Variants in MTAP observed in about 807,000 individuals in gnomAD.
MTAP encodes methylthioadenosine phosphorylase.
A neutral mutation model predicts 33.6 loss-of-function variants in MTAP; 33 were observed. The observed-to-expected ratio is 0.98, with a 90% confidence interval of 0.74 to 1.31. MTAP has a LOEUF of 1.31. Ranked by LOEUF, MTAP falls within the 40% of genes most tolerant of loss-of-function variation. The probability of loss-of-function intolerance (pLI) is 0.00; values close to 1 mark genes in which losing one functional copy is unlikely to be tolerated. For missense variants in MTAP, 367 were observed against 360.0 expected, an observed-to-expected ratio of 1.02 and a Z score of -0.16; for synonymous variants, 148 against 125.7, an observed-to-expected ratio of 1.18 and a Z score of -1.19.
downstream of MTAP, among the ~76,000 whole-genome samples, chr9:21,939,873 ACT>A (rs906515621): frequency 1.3e-5 from 2 of 151,956 alleles, no homozygotes; most frequent in Non-Finnish European, 2.9e-5. Flanking sequence ...ACAGAGTGAG[ACT>A]CTGTCTCAAA....
chr9:21,848,311 C>T (rs2118441358), intron 5 of MTAP, among the ~76,000 whole-genome samples: 1 of 152,202 alleles, frequency 6.6e-6, no homozygotes, highest in Admixed American at 6.5e-5. Flanking sequence ...AAAAGAACCG[C>T]TTGAGTTTTC....
intron 6 of MTAP, among the ~76,000 whole-genome samples, chr9:21,855,767 TAC>T (rs1825628738): frequency 6.6e-6 from 1 of 152,188 alleles, no homozygotes; most frequent in Non-Finnish European, 1.5e-5. Context: ...GAATTCCAGG[TAC>T]CCATCACTTA....
At chr9:21,885,700 T>C (rs1818097038) in intron 1 of MTAP, among the ~76,000 whole-genome samples, 2 of 152,200 alleles carry the variant, frequency 1.3e-5, no homozygotes, top group African/African-American at 4.8e-5. Context: ...ACTTCACTTA[T>C]AATAATGGTC....
At chr9:21,868,030 G>C (rs1825881456), downstream of MTAP, among the ~76,000 whole-genome samples, 1 of 152,144 alleles carries the variant, frequency 6.6e-6, no homozygotes, top group Non-Finnish European at 1.5e-5. Flanking sequence ...TAAGTTTGTG[G>C]TGATGTATAG....
intron 1 of MTAP, among the ~76,000 whole-genome samples, chr9:21,872,871 A>G (rs970248491): frequency 1.3e-5 from 2 of 151,934 alleles, no homozygotes; most frequent in African/African-American, 4.8e-5. Context: ...CAATGTGAGC[A>G]CTCCCTCGGG....
intron 1 of MTAP, among the ~76,000 whole-genome samples, chr9:21,873,794 C>G (rs1284443970): frequency 1.3e-5 from 2 of 151,838 alleles, no homozygotes; most frequent in East Asian, 3.9e-4. Flanking sequence ...TAAATGGTTC[C>G]TAAGGAAGTT....
intron 4 of MTAP, 145 bp downstream of exon 4, chr9:21,818,347 A>C: frequency 1.9e-6 from 1 of 529,430 alleles, no homozygotes; most frequent in Non-Finnish European, 2.9e-6. Flanking sequence ...TTTTTTTTGG[A>C]GACGGAGCCT....
intron 5 of MTAP, among the ~76,000 whole-genome samples, chr9:21,852,636 T>G (rs1208016778): frequency 1.3e-5 from 2 of 148,622 alleles, no homozygotes; most frequent in African/African-American, 2.5e-5. Context: ...TGCATCAGAA[T>G]CCCAGAAATC....
intron 1 of MTAP, among the ~76,000 whole-genome samples, chr9:21,880,859 A>G (rs761050530): frequency 2.6e-5 from 4 of 152,098 alleles, no homozygotes; most frequent in Non-Finnish European, 5.9e-5. Context: ...ACTCAACACA[A>G]TCCCTATAAA....
At chr9:21,917,760 G>T (rs113872145) in intron 1 of MTAP, among the ~76,000 whole-genome samples, 2,605 of 152,172 alleles carry the variant, frequency 0.017, 52 homozygotes, top group East Asian at 0.05. Flanking sequence ...CAAAGGAAAA[G>T]AAGTCATATA....
chr9:21,931,168 A>G (rs973836772), exon 2 of MTAP: 12 of 748,630 alleles, frequency 1.6e-5, no homozygotes, highest in African/African-American at 1.5e-4. Context: ...TGCTTCCAAC[A>G]ACCCATGCAG....
At chr9:21,925,548 A>G (rs1333772087) in intron 1 of MTAP, among the ~76,000 whole-genome samples, 1 of 152,234 alleles carries the variant, frequency 6.6e-6, no homozygotes, top group African/African-American at 2.4e-5. Context: ...TGCCCTCAGA[A>G]TACTCTCCCA....
intron 1 of MTAP, chr9:21,930,286 G>T: frequency 4.4e-6 from 1 of 229,710 alleles, no homozygotes; most frequent in Non-Finnish European, 8.6e-6. Flanking sequence ...GTATTTTTGG[G>T]GGCTGTCCTC....
chr9:21,869,472 C>G (rs892658651), downstream of MTAP, among the ~76,000 whole-genome samples: 1 of 152,126 alleles, frequency 6.6e-6, no homozygotes, highest in Non-Finnish European at 1.5e-5. Context: ...TCTTAGTCTC[C>G]TTTGCTGATT....
At chr9:21,897,676 G>A (rs530415330) in intron 1 of MTAP, among the ~76,000 whole-genome samples, 1 of 152,152 alleles carries the variant, frequency 6.6e-6, no homozygotes, top group Admixed American at 6.5e-5. Context: ...GCTTACAAGG[G>A]ATGTGAAGGA....
rs1222666142 is a variant in MTAP at position 21,915,055 on chromosome 9, C to CCTTT, written c.148-15927_148-15924dup. Among the ~76,000 whole-genome samples, 190 of 25,848 alleles carry CCTTT rather than the reference C, an allele frequency of 7.4e-3. 8 individuals are homozygous for CCTTT. The highest frequency in any genetic ancestry group is 0.011 in the Admixed American group (22 of 2,048). The allele number at this position is 25,848 out of a possible 152,430, so 17.0% of individuals were successfully genotyped here. ...TCCTTCCTTCCTTCCTTCCTTCCTTCCTTTCTTTCTTTCTTTCTTTCTTTC... is the reference window on the plus strand; with the variant it reads ...TCCTTCCTTCCTTCCTTCCTTCCTTCCTTTCTTTCTTTCTTTCTTTCTTTCTTTC... On this transcript the variant is annotated intron_variant, in intron 1 of 1. Transcript: ENST00000577563.
At chr9:21,930,880 C>T (rs926485761) in intron 1 of MTAP, 1 of 632,184 alleles carries the variant, frequency 1.6e-6, no homozygotes. Flanking sequence ...TGGTAAGGAA[C>T]CTGGAAATGG....
Position 21,922,418 on chromosome 9 carries a change from A to T in MTAP, c.148-8590A>T, listed in dbSNP as rs1167990242. Among the ~76,000 whole-genome samples the T allele has an allele frequency of 6.6e-6, 1 of 152,080 alleles. No individual in the cohort carries two copies. The highest frequency in any genetic ancestry group is 2.4e-5 in the African/African-American group (1 of 41,424). ...CAGGTTGCCAACTTGGCCCTCTTCC[A>T]AGTTACTTTACTTTCTTTCATTCCT... is the stretch of plus-strand genomic sequence containing the variant. On this transcript the variant is annotated intron_variant, in intron 1 of 1. Transcript: ENST00000577563. The surrounding 1 kb of genome is among the most constrained non-coding windows in gnomAD (Gnocchi z 4.8).
At chr9:21,916,426 A>G (rs920879032) in intron 1 of MTAP, among the ~76,000 whole-genome samples, 1 of 151,976 alleles carries the variant, frequency 6.6e-6, no homozygotes, top group Non-Finnish European at 1.5e-5. Flanking sequence ...CCTGGCCAAT[A>G]TGGTGAAACC....
Sources: allele counts gnomAD v4.1 joint callset (sites outside exome capture counted in the v4.1 genomes callset), GRCh38; gene constraint gnomAD v4.1.1; non-coding constraint Gnocchi (gnomAD v3.1); transcripts MANE v1.5; gene names NCBI Gene and HGNC (gene_info 2026-07-23, HGNC 2026-07-21).